Variants in LIMS1 observed in about 807,000 individuals in gnomAD.
LIMS1 encodes LIM zinc finger domain containing 1.
Under a neutral mutation model 44.1 loss-of-function variants are expected in LIMS1, and 18 were observed. That is an observed-to-expected ratio of 0.41 (90% CI 0.28 to 0.61). The LOEUF (loss-of-function observed/expected upper bound fraction) is 0.61, where lower values mean the gene tolerates loss of function less well. LIMS1 is among the 20% of genes least tolerant of loss of function. The pLI is 0.32. For missense variants in LIMS1, 201 were observed against 422.0 expected (o/e 0.48, Z 4.59); for synonymous variants, 93 against 149.1 (o/e 0.62, Z 2.74).
At chr2:108,609,930 C>T (rs1428325992) in intron 1 of LIMS1, among the ~76,000 whole-genome samples, 1 of 152,046 alleles carries the variant, frequency 6.6e-6, no homozygotes, top group Non-Finnish European at 1.5e-5. Context: ...ATCACGAGGT[C>T]AGGAGGTCAA....
chr2:108,675,426 T>G (rs1376270960), intron 5 of LIMS1, among the ~76,000 whole-genome samples: 1 of 136,648 alleles, frequency 7.3e-6, no homozygotes, highest in African/African-American at 2.5e-5. Context: ...GGCAGAGCCT[T>G]CATGATGTAA....
At chr2:108,561,025 C>G (rs1023392344) in intron 1 of LIMS1, among the ~76,000 whole-genome samples, 2 of 152,154 alleles carry the variant, frequency 1.3e-5, no homozygotes, top group African/African-American at 4.8e-5. Context: ...CCCTGTCTTT[C>G]CTGATAAACC....
chr2:108,547,530 G>C (rs1684521394), intron 1 of LIMS1, among the ~76,000 whole-genome samples: 3 of 152,186 alleles, frequency 2.0e-5, no homozygotes, highest in Admixed American at 6.5e-5. Context: ...ACTGTTGGCA[G>C]TTTGACTTAT....
chr2:108,536,157 G>C (rs1303469753), intron 1 of LIMS1, among the ~76,000 whole-genome samples: 1 of 152,134 alleles, frequency 6.6e-6, no homozygotes, highest in Non-Finnish European at 1.5e-5. Context: ...GTGTCTCTCC[G>C]CATCCTATCC....
intron 1 of LIMS1, among the ~76,000 whole-genome samples, chr2:108,568,160 A>C (rs1163620720): frequency 6.6e-6 from 1 of 152,224 alleles, no homozygotes; most frequent in Admixed American, 6.5e-5. Context: ...GTTTGTATCA[A>C]TTAGCCTGCA....
intron 1 of LIMS1, among the ~76,000 whole-genome samples, chr2:108,614,158 TG>T (rs1025359190): frequency 9.2e-5 from 14 of 152,314 alleles, no homozygotes; most frequent in Middle Eastern, 6.8e-3. Flanking sequence ...ATGTGACTTT[TG>T]CTTTTTTCTC....
chr2:108,602,423 A>G (rs957427161), intron 1 of LIMS1, among the ~76,000 whole-genome samples: 2 of 152,196 alleles, frequency 1.3e-5, no homozygotes, highest in Non-Finnish European at 2.9e-5. Flanking sequence ...TACTAGCTGT[A>G]GGTCTGTCAT....
intron 1 of LIMS1, among the ~76,000 whole-genome samples, chr2:108,590,423 C>T (rs1324888876): frequency 6.6e-6 from 1 of 152,076 alleles, no homozygotes; most frequent in Non-Finnish European, 1.5e-5. Flanking sequence ...AGTTTGCAAA[C>T]AACAAGGCAC....
At chr2:108,671,335 A>C (rs1445910960) in intron 3 of LIMS1, among the ~76,000 whole-genome samples, 1 of 152,014 alleles carries the variant, frequency 6.6e-6, no homozygotes, top group African/African-American at 2.4e-5. Context: ...CAAAACCTAG[A>C]GATCATTGAT....
intron 1 of LIMS1, among the ~76,000 whole-genome samples, chr2:108,643,854 G>A (rs1689881935): frequency 1.3e-5 from 2 of 152,202 alleles, no homozygotes; most frequent in South Asian, 4.1e-4. Context: ...CCATTGCTAA[G>A]GCTTGAGTAG....
At chr2:108,546,645 C>T in intron 1 of LIMS1, among the ~76,000 whole-genome samples, 1 of 149,448 alleles carries the variant, frequency 6.7e-6, no homozygotes, top group African/African-American at 2.5e-5. Flanking sequence ...CCTAGTGGAT[C>T]ATTCTCTAGC....
In LIMS1 at chr2:108,534,392, C is replaced by T. The variant is rs919573963; in HGVS notation, c.-171C>T. ...CCCTCCCCCGCCTTCCCGCGCGGCCCGCCTCGCCTTCCCCCCCCTCCCGCG... is the reference window on the plus strand; with the variant it reads ...CCCTCCCCCGCCTTCCCGCGCGGCCTGCCTCGCCTTCCCCCCCCTCCCGCG... On this transcript the variant is annotated 5_prime_UTR_variant, in exon 1 of 10. Transcript: ENST00000544547. The T allele has an allele frequency of 1.3e-3, 396 of 313,464 alleles. 4 individuals are homozygous for T. The East Asian group carries it at 0.023, about 18-fold the overall frequency. The allele number at this position is 313,464 out of a possible 1,614,324, so 19.4% of individuals were successfully genotyped here. A position where few individuals can be genotyped will look rare whatever the true frequency, so the allele number is the denominator to read the frequency against.
chr2:108,682,868 CACAG>C (rs1004256689), intron 9 of LIMS1, among the ~76,000 whole-genome samples: 2 of 152,146 alleles, frequency 1.3e-5, no homozygotes, highest in Admixed American at 6.5e-5. Context: ...AATATAATTT[CACAG>C]ACAGTGAACA....
intron 2 of LIMS1, 172 bp downstream of exon 2, chr2:108,659,936 C>T (rs1349971890): frequency 1.6e-6 from 1 of 619,604 alleles, no homozygotes; most frequent in Non-Finnish European, 2.8e-6. Context: ...CTCTATGGCC[C>T]ATATGGGCAG....
At chr2:108,627,345 G>T (rs189723440) in intron 1 of LIMS1, among the ~76,000 whole-genome samples, 1 of 150,960 alleles carries the variant, frequency 6.6e-6, no homozygotes, top group Non-Finnish European at 1.5e-5. Flanking sequence ...TAAAAATCAG[G>T]TCTGTTAAAG....
chr2:108,680,406 A>G (rs1692890180), intron 8 of LIMS1, among the ~76,000 whole-genome samples: 4 of 127,928 alleles, frequency 3.1e-5, no homozygotes, highest in Admixed American at 3.1e-4. Flanking sequence ...GTGTAGTGGC[A>G]TGCACCTGTA....
At chr2:108,646,239 A>G (rs921639725) in intron 1 of LIMS1, among the ~76,000 whole-genome samples, 3 of 152,156 alleles carry the variant, frequency 2.0e-5, no homozygotes, top group Admixed American at 1.3e-4. Context: ...TGGAAGTAAA[A>G]CACTCCTCAG....
chr2:108,683,849 A>T, intron 9 of LIMS1, 36 bp from the exon 10 acceptor site: 1 of 1,191,098 alleles, frequency 8.4e-7, no homozygotes, highest in Non-Finnish European at 1.2e-6. Context: ...ATATGTTTCC[A>T]CTAACTTCTT....
At chr2:108,642,606 G>T (rs826698) in intron 1 of LIMS1, among the ~76,000 whole-genome samples, 1 of 151,614 alleles carries the variant, frequency 6.6e-6, no homozygotes, top group African/African-American at 2.4e-5. Context: ...TGATCCGCCC[G>T]CCTCGGCCTC....
Sources: gnomAD v4.1 joint callset for allele counts (sites outside exome capture counted in the v4.1 genomes callset) on GRCh38, gnomAD v4.1.1 for gene constraint, MANE v1.5 for transcripts, NCBI Gene and HGNC (gene_info 2026-07-23, HGNC 2026-07-21) for gene names.